FHAD1: variants seen among roughly 807,000 people sequenced by gnomAD.
The protein encoded by FHAD1 is forkhead-associated domain-containing protein 1.
A neutral mutation model predicts 191.3 loss-of-function variants in FHAD1; 146 were observed. The observed-to-expected ratio is 0.76, with a 90% CI of 0.67 to 0.88. The LOEUF is 0.88. Among genes scored for constraint, FHAD1 ranks in the 40% least tolerant of loss-of-function variants. FHAD1 has a pLI of 0.00. For synonymous variants in FHAD1, 616 were observed against 672.3 expected (o/e 0.92, Z 1.29); for missense variants, 1,635 against 1,785.8 (o/e 0.92, Z 1.52).
At chr1:15,347,676 T>C (rs1385714560) in intron 18 of FHAD1, among the ~76,000 whole-genome samples, 1 of 152,242 alleles carries the variant, frequency 6.6e-6, no homozygotes, top group Non-Finnish European at 1.5e-5. Context: ...CTTGAACTCC[T>C]GGCCTCAAGT....
intron 25 of FHAD1, among the ~76,000 whole-genome samples, chr1:15,369,009 C>G (rs1284332944): frequency 6.6e-6 from 1 of 152,164 alleles, no homozygotes; most frequent in East Asian, 1.9e-4. Context: ...CTGTGTGTCT[C>G]TTTACTTGTC....
At chr1:15,371,769 G>A (rs1336421911) in intron 26 of FHAD1, among the ~76,000 whole-genome samples, 1 of 152,110 alleles carries the variant, frequency 6.6e-6, no homozygotes, top group Non-Finnish European at 1.5e-5. Context: ...AACCAGCCAC[G>A]CATCCTGTGA....
chr1:15,275,079 C>T (rs377364013), intron 3 of FHAD1, among the ~76,000 whole-genome samples: 23 of 152,122 alleles, frequency 1.5e-4, no homozygotes, highest in East Asian at 1.2e-3. Flanking sequence ...TCTCCTGCCT[C>T]AGCCTCCCGA....
At chr1:15,284,065 T>C (rs1661497807) in intron 3 of FHAD1, among the ~76,000 whole-genome samples, 1 of 152,100 alleles carries the variant, frequency 6.6e-6, no homozygotes, top group Admixed American at 6.6e-5. Flanking sequence ...GCACAAAATG[T>C]GGGTAAAAAT....
chr1:15,399,096 AC>A (rs1706834974), downstream of FHAD1, among the ~76,000 whole-genome samples: 1 of 152,254 alleles, frequency 6.6e-6, no homozygotes, highest in Admixed American at 6.5e-5. Context: ...TGATGGGATT[AC>A]AGGCATGAGC....
At chr1:15,377,378 C>T (rs1699911211) in intron 28 of FHAD1, among the ~76,000 whole-genome samples, 1 of 152,156 alleles carries the variant, frequency 6.6e-6, no homozygotes, top group Non-Finnish European at 1.5e-5. Flanking sequence ...CCAAGACAGG[C>T]CTTCCCCTTG....
At chr1:15,344,000 CAG>C (rs1169324221) in intron 16 of FHAD1, 1 of 152,234 alleles carries the variant, frequency 6.6e-6, no homozygotes, top group East Asian at 1.9e-4. Flanking sequence ...ACTGGCCTGG[CAG>C]AGTGTTTTAA....
rs376970626 is a variant in FHAD1 at position 15,328,445 on chromosome 1, G to A, written c.1710+16G>A. The A allele has an allele frequency of 1.2e-4, 180 of 1,448,794 alleles. No homozygotes were observed. In the African/African-American group the frequency reaches 1.7e-3, roughly 14 times the overall value. The allele number at this position is 1,448,794 out of a possible 1,614,324, so 89.7% of individuals were successfully genotyped here. ...CAGCTGCCAGGTGGCCCCTCCTTAC[G>A]CTTTCCACAAATGGTCTCTTTGTCT... On this transcript the variant is annotated intron_variant, in intron 13 of 33. Coordinates refer to ENST00000688493, the MANE Select transcript of FHAD1 (RefSeq NM_001391957.1).
At chr1:15,345,368 T>C in intron 17 of FHAD1, 48 bp from the exon 18 acceptor site, 1 of 1,519,170 alleles carries the variant, frequency 6.6e-7, no homozygotes. Context: ...CAGAGTCCAG[T>C]TTCCTCCCAT....
intron 3 of FHAD1, among the ~76,000 whole-genome samples, chr1:15,287,906 T>G (rs1663070088): frequency 6.6e-6 from 1 of 152,182 alleles, no homozygotes; most frequent in East Asian, 1.9e-4. Flanking sequence ...CATTCTGTCC[T>G]TTTCCTCATT....
At chr1:15,360,934 T>G (rs965686330) in intron 22 of FHAD1, among the ~76,000 whole-genome samples, 2 of 152,160 alleles carry the variant, frequency 1.3e-5, no homozygotes, top group Non-Finnish European at 2.9e-5. Context: ...GCCTACTCAG[T>G]GAGCCGGCGA....
intron 2 of FHAD1, among the ~76,000 whole-genome samples, chr1:15,256,367 G>A (rs1390133190): frequency 1.3e-5 from 2 of 152,068 alleles, no homozygotes; most frequent in Non-Finnish European, 2.9e-5. Context: ...TTCCAGGACC[G>A]CACAGCCAGG....
chr1:15,296,774 A>C lies in FHAD1; in HGVS notation c.659A>C (p.Asp220Ala). Reference protein sequence around the residue: ...VPPAEIYVEEDLAQQDKDEII... With the variant: ...VPPAEIYVEEALAQQDKDEII... ...CCTGCGGAGATTTATGTGGAGGAGG[A>C]CTTGGCCCAGCAGGACAAGGTGAGG... The change falls in exon 5 of 34, where the codon GAC becomes GCC. Residue 220 changes from aspartate to alanine, a missense_variant. Transcript: ENST00000688493. 1.3e-6 allele frequency: 2 copies of C among 1,551,610 alleles called. No homozygotes were observed. Among genetic ancestry groups the C allele is most frequent in the South Asian group, 2.4e-5 (2 of 84,032 alleles).
At chr1:15,260,812 C>T (rs1284969955) in intron 2 of FHAD1, among the ~76,000 whole-genome samples, 1 of 152,230 alleles carries the variant, frequency 6.6e-6, no homozygotes, top group African/African-American at 2.4e-5. Flanking sequence ...TTAGATTAGC[C>T]CCCTCTGGAT....
At chr1:15,371,174 C>G (rs1483578559) in intron 26 of FHAD1, among the ~76,000 whole-genome samples, 1 of 152,186 alleles carries the variant, frequency 6.6e-6, no homozygotes, top group African/African-American at 2.4e-5. Context: ...CATATTCATT[C>G]ACTCCTTCAA....
intron 23 of FHAD1, 42 bp downstream of exon 23, chr1:15,362,768 G>A (rs1695218025): frequency 1.0e-5 from 15 of 1,483,780 alleles, no homozygotes; most frequent in Middle Eastern, 1.8e-4. Context: ...ATTCTCACCG[G>A]CACCACCTGG....
At chr1:15,345,982 C>T (rs1477867680) in intron 18 of FHAD1, among the ~76,000 whole-genome samples, 1 of 152,152 alleles carries the variant, frequency 6.6e-6, no homozygotes, top group Non-Finnish European at 1.5e-5. Context: ...GAAAGTTTTC[C>T]CTTTAGGTTG....
At chr1:15,304,379 G>A (rs1355044670) in intron 6 of FHAD1, among the ~76,000 whole-genome samples, 1 of 152,200 alleles carries the variant, frequency 6.6e-6, no homozygotes, top group Non-Finnish European at 1.5e-5. Flanking sequence ...TCATGAAATT[G>A]ATGAAGATGT....
upstream of FHAD1, among the ~76,000 whole-genome samples, chr1:15,245,609 T>C (rs1459537735): frequency 6.6e-6 from 1 of 152,198 alleles, no homozygotes; most frequent in Non-Finnish European, 1.5e-5. Context: ...AGCCATCACT[T>C]GGGTCCCAGC....
Sources: gnomAD v4.1 joint callset for allele counts (sites outside exome capture counted in the v4.1 genomes callset) on GRCh38, gnomAD v4.1.1 for gene constraint, MANE v1.5 for transcripts, NCBI Gene and HGNC (gene_info 2026-07-23, HGNC 2026-07-21) for gene names.